The following SPOCK1 variants were observed in gnomAD, a reference collection of about 807,000 sequenced individuals.
SPOCK1 encodes the protein testican-1.
SPOCK1 carries 23 observed loss-of-function variants against 55.3 expected under a neutral mutation model. That is an observed-to-expected ratio of 0.42 (90% CI 0.30 to 0.59). SPOCK1 has a LOEUF of 0.59. SPOCK1 is among the 20% of genes least tolerant of loss of function. The pLI, the probability that SPOCK1 is intolerant of heterozygous loss-of-function variation, is 0.22. For synonymous variants in SPOCK1, 226 were observed against 221.0 expected (o/e 1.02, Z -0.20); for missense variants, 499 against 552.5 (o/e 0.90, Z 0.97).
intron 4 of SPOCK1, among the ~76,000 whole-genome samples, chr5:137,134,172 C>G (rs1753936842): frequency 6.6e-6 from 1 of 152,178 alleles, no homozygotes; most frequent in East Asian, 1.9e-4. Context: ...ACAATCCCAT[C>G]TGTAAAATGG....
intron 2 of SPOCK1, among the ~76,000 whole-genome samples, chr5:137,387,496 G>C (rs535315555): frequency 6.6e-6 from 1 of 152,342 alleles, no homozygotes; most frequent in South Asian, 2.1e-4. Context: ...AAAAGACATG[G>C]AGGAACTTCA....
intron 2 of SPOCK1, among the ~76,000 whole-genome samples, chr5:137,308,182 A>G (rs1216777882): frequency 6.6e-6 from 1 of 152,190 alleles, no homozygotes; most frequent in East Asian, 1.9e-4. Flanking sequence ...AGGGCATGCA[A>G]AAGTACTAAA....
rs1245329506 is a variant in SPOCK1 at position 137,348,622 on chromosome 5, C to CA, written c.187-81568dup. Among the ~76,000 whole-genome samples, 589 of 141,502 alleles carry CA rather than the reference C, an allele frequency of 4.2e-3. 1 individual carries two copies. Among genetic ancestry groups the CA allele is most frequent in the African/African-American group, 0.01 (388 of 38,356 alleles). 92.8% of individuals were successfully genotyped at this position (141,502 alleles called of 152,430 possible). On this transcript the variant is annotated intron_variant, in intron 2 of 10. Coordinates refer to ENST00000394945, the MANE Select transcript of SPOCK1 (RefSeq NM_004598.4). The stretch of plus-strand genomic sequence containing the variant: ...TCAACATACAACTATAATTTATTTG[C>CA]AAAAAAAAAACAATGTGCATAGACC...
chr5:137,284,933 G>A (rs1459326566), intron 2 of SPOCK1, among the ~76,000 whole-genome samples: 1 of 152,198 alleles, frequency 6.6e-6, no homozygotes, highest in South Asian at 2.1e-4. Context: ...GATGGGCAGC[G>A]GGCAGAGGAT....
chr5:137,240,916 A>C (rs533067741), intron 3 of SPOCK1, among the ~76,000 whole-genome samples: 1 of 152,338 alleles, frequency 6.6e-6, no homozygotes, highest in East Asian at 1.9e-4. Context: ...ATCCAAATAC[A>C]AATGGAAATA....
At chr5:137,073,188 G>A (rs1373829835) in intron 5 of SPOCK1, among the ~76,000 whole-genome samples, 2 of 152,222 alleles carry the variant, frequency 1.3e-5, no homozygotes, top group Non-Finnish European at 2.9e-5. Context: ...GCCAGACCCT[G>A]GTCTAGGTGT....
chr5:137,030,149 C>G (rs1325197645), intron 6 of SPOCK1, among the ~76,000 whole-genome samples: 1 of 152,234 alleles, frequency 6.6e-6, no homozygotes, highest in East Asian at 1.9e-4. Context: ...GCCTAATACA[C>G]AGCCTGGCAC....
intron 2 of SPOCK1, among the ~76,000 whole-genome samples, chr5:137,470,194 C>T (rs1031150920): frequency 1.3e-5 from 2 of 152,082 alleles, no homozygotes; most frequent in East Asian, 1.9e-4. Context: ...TTATTGTGGA[C>T]GGATTTGTGA....
chr5:137,038,505 G>A (rs925805754), intron 6 of SPOCK1, among the ~76,000 whole-genome samples: 1 of 152,202 alleles, frequency 6.6e-6, no homozygotes, highest in East Asian at 1.9e-4. Flanking sequence ...ATGGAATGGA[G>A]GGATTTAAGA....
In SPOCK1 at chr5:136,976,654, A is replaced by G. The variant is rs1423098099; in HGVS notation, c.*2000T>C. On this transcript the variant is annotated 3_prime_UTR_variant, in exon 11 of 11. Transcript: ENST00000394945. ...AAGCACCTGTTTTCTAAATTATCTC[A>G]GTTTTGTTCAAGAGAGAAAAAAAAT... The G allele has an allele frequency of 6.6e-6, 1 of 152,636 alleles. No homozygotes were observed. The highest frequency in any genetic ancestry group is 2.4e-5 in the African/African-American group (1 of 41,456). 9.5% of individuals were successfully genotyped at this position (152,636 alleles called of 1,614,324 possible).
chr5:137,370,903 A>C (rs1460468957), intron 2 of SPOCK1, among the ~76,000 whole-genome samples: 1 of 152,178 alleles, frequency 6.6e-6, no homozygotes, highest in African/African-American at 2.4e-5. Flanking sequence ...GCATCGTATA[A>C]AATCTGCCTG....
At chr5:137,363,386 A>G (rs1580886773) in intron 2 of SPOCK1, among the ~76,000 whole-genome samples, 1 of 152,242 alleles carries the variant, frequency 6.6e-6, no homozygotes, top group Non-Finnish European at 1.5e-5. Context: ...TTACACATCC[A>G]TAAGTCCGGA....
At chr5:137,478,158 T>C (rs1192658084) in intron 2 of SPOCK1, among the ~76,000 whole-genome samples, 3 of 152,188 alleles carry the variant, frequency 2.0e-5, no homozygotes, top group Non-Finnish European at 2.9e-5. Context: ...GTCCAGTACA[T>C]GTGTAGGTGT....
intron 3 of SPOCK1, among the ~76,000 whole-genome samples, chr5:137,201,592 T>A (rs577865545): frequency 8.5e-5 from 13 of 152,306 alleles, no homozygotes; most frequent in African/African-American, 2.9e-4. Context: ...CCGTTTGGGA[T>A]GTAATCCAAG....
At chr5:137,361,683 T>C (rs1304923465) in intron 2 of SPOCK1, among the ~76,000 whole-genome samples, 2 of 152,256 alleles carry the variant, frequency 1.3e-5, no homozygotes, top group African/African-American at 4.8e-5. Context: ...GGATGACTTG[T>C]TGCCGTTGTC....
intron 2 of SPOCK1, among the ~76,000 whole-genome samples, chr5:137,371,414 A>C (rs1260477169): frequency 1.3e-5 from 2 of 152,210 alleles, no homozygotes; most frequent in African/African-American, 4.8e-5. Context: ...GCTATTTATA[A>C]CTGGCTTCAT....
At chr5:137,206,945 T>C (rs1358885925) in intron 3 of SPOCK1, among the ~76,000 whole-genome samples, 1 of 152,166 alleles carries the variant, frequency 6.6e-6, no homozygotes, top group East Asian at 1.9e-4. Context: ...GACCCCAGAT[T>C]TGAAATCAGC....
intron 2 of SPOCK1, among the ~76,000 whole-genome samples, chr5:137,277,769 C>G (rs1454226980): frequency 6.6e-6 from 1 of 152,194 alleles, no homozygotes; most frequent in Admixed American, 6.5e-5. Flanking sequence ...GCAGGACACC[C>G]TGGATTCCTG....
intron 3 of SPOCK1, among the ~76,000 whole-genome samples, chr5:137,257,181 G>C (rs1216614641): frequency 6.6e-6 from 1 of 152,126 alleles, no homozygotes; most frequent in Non-Finnish European, 1.5e-5. Flanking sequence ...AGAGACAAAG[G>C]GAAAAAGTGA....
Sources: gnomAD v4.1 joint callset for allele counts (sites outside exome capture counted in the v4.1 genomes callset) on GRCh38, gnomAD v4.1.1 for gene constraint, MANE v1.5 for transcripts, NCBI Gene and HGNC (gene_info 2026-07-23, HGNC 2026-07-21) for gene names.